WWOX: variants seen among roughly 807,000 people sequenced by gnomAD.
WWOX encodes the protein WW domain-containing oxidoreductase.
A neutral mutation model predicts 46.2 loss-of-function variants in WWOX; 69 were observed. The observed-to-expected ratio is 1.49, with a 90% CI of 1.23 to 1.82. WWOX has a LOEUF of 1.82. Among genes scored for constraint, WWOX ranks in the 40% most tolerant of loss-of-function variants. WWOX has a pLI of 0.00. For missense variants in WWOX, 919 were observed against 542.6 expected (o/e 1.69, Z -6.89); for synonymous variants, 359 against 202.6 (o/e 1.77, Z -6.56).
chr16:78,319,552 G>A (rs373679767), intron 5 of WWOX, among the ~76,000 whole-genome samples: 1 of 152,156 alleles, frequency 6.6e-6, no homozygotes, highest in South Asian at 2.1e-4. Context: ...CCCTGCTGAT[G>A]TCTTAATCTT....
In WWOX at chr16:78,109,849, A is replaced by C. The variant is rs1288427995; in HGVS notation, c.230+14A>C. On this transcript the variant is annotated intron_variant, in intron 3 of 8. Coordinates refer to ENST00000566780, the MANE Select transcript of WWOX (RefSeq NM_016373.4). ...GTTTTTTGTTGAGTAAGTGTCTGCAAAGAAACCACTCTCAGCTGTTTTGCT... is the reference window on the plus strand; with the variant it reads ...GTTTTTTGTTGAGTAAGTGTCTGCACAGAAACCACTCTCAGCTGTTTTGCT... 7 of 1,614,184 alleles carry C rather than the reference A, an allele frequency of 4.3e-6. 1 individual carries two copies. In the South Asian group the frequency reaches 7.7e-5, roughly 18 times the overall value.
intron 8 of WWOX, among the ~76,000 whole-genome samples, chr16:78,577,859 G>C (rs531840426): frequency 6.6e-6 from 1 of 152,094 alleles, no homozygotes; most frequent in South Asian, 2.1e-4. Context: ...TGTGCCGTTG[G>C]TAATTCAGTT....
chr16:78,836,521 C>T lies in WWOX; in HGVS notation c.1057-375087C>T, dbSNP rs142435619. Among the ~76,000 whole-genome samples, 7 of 152,272 alleles carry T rather than the reference C, an allele frequency of 4.6e-5. No homozygotes were observed. The East Asian group carries it at 1.4e-3, about 29-fold the overall frequency. On this transcript the variant is annotated intron_variant, in intron 8 of 8. Coordinates refer to ENST00000566780, the MANE Select transcript of WWOX (RefSeq NM_016373.4). Reference sequence around the variant, plus strand: ...TATTTTCAGACACTTCTGCCCCTTGCCATGTTTAGTAAGTCATCTATGTTG... The same window carrying T: ...TATTTTCAGACACTTCTGCCCCTTGTCATGTTTAGTAAGTCATCTATGTTG...
intron 8 of WWOX, among the ~76,000 whole-genome samples, chr16:79,154,172 C>G (rs966493958): frequency 2.0e-5 from 3 of 152,168 alleles, no homozygotes; most frequent in Admixed American, 2.0e-4. Context: ...CAACTTGGGT[C>G]ATGCCACTAC....
intron 8 of WWOX, among the ~76,000 whole-genome samples, chr16:78,727,874 C>G (rs999654999): frequency 2.0e-5 from 3 of 151,928 alleles, no homozygotes; most frequent in Non-Finnish European, 2.9e-5. Flanking sequence ...GGACTCTAAA[C>G]TCTTAGTAGT....
intron 8 of WWOX, among the ~76,000 whole-genome samples, chr16:79,139,102 G>T (rs1031895839): frequency 3.3e-5 from 5 of 152,154 alleles, no homozygotes; most frequent in South Asian, 4.2e-4. Flanking sequence ...CAGCTTCCCC[G>T]GCCCCATTCC....
chr16:78,970,386 G>A (rs998067984), intron 8 of WWOX, among the ~76,000 whole-genome samples: 4 of 152,154 alleles, frequency 2.6e-5, no homozygotes, highest in Admixed American at 2.6e-4. Flanking sequence ...ATAACCTCAT[G>A]CCCAGCATCG....
chr16:78,173,958 TGAGAGA>T (rs111730428), intron 5 of WWOX, among the ~76,000 whole-genome samples: 5 of 145,986 alleles, frequency 3.4e-5, no homozygotes, highest in Non-Finnish European at 6.0e-5. Flanking sequence ...TGAGAGGAAT[TGAGAGA>T]GAGAGAGAGA....
rs2303190 is a variant in WWOX at position 78,164,339 on chromosome 16, G to A, written c.516+50G>A. 0.16 allele frequency: 239,905 copies of A among 1,528,236 alleles called. 20,027 individuals are homozygous for A. Among genetic ancestry groups the A allele is most frequent in the East Asian group, 0.2 (8,740 of 44,062 alleles). The allele number at this position is 1,528,236 out of a possible 1,614,324, so 94.7% of individuals were successfully genotyped here. A position where few individuals can be genotyped will look rare whatever the true frequency, so the allele number is the denominator to read the frequency against. Reference sequence around the variant, plus strand: ...TTTTTAATTGTCAAATACACATGCCGGGCTAACCATATGGAGATTTCAGTG... The same window carrying A: ...TTTTTAATTGTCAAATACACATGCCAGGCTAACCATATGGAGATTTCAGTG... On this transcript the variant is annotated intron_variant, in intron 5 of 8. Transcript: ENST00000566780.
intron 8 of WWOX, among the ~76,000 whole-genome samples, chr16:78,973,206 A>G (rs1364471051): frequency 1.3e-5 from 2 of 152,184 alleles, no homozygotes; most frequent in African/African-American, 2.4e-5. Context: ...AAAGGCCCTT[A>G]TTACAAAACC....
chr16:78,265,037 G>A (rs910415883), intron 5 of WWOX, among the ~76,000 whole-genome samples: 22 of 113,232 alleles, frequency 1.9e-4, no homozygotes, highest in Admixed American at 5.2e-4. Context: ...ATCTCACTCC[G>A]TCGTCCAGGT....
chr16:78,939,497 T>C (rs1407031128), intron 8 of WWOX, among the ~76,000 whole-genome samples: 1 of 152,208 alleles, frequency 6.6e-6, no homozygotes, highest in African/African-American at 2.4e-5. Flanking sequence ...GGCCAAAAGT[T>C]TGTTTCAAGT....
At chr16:78,946,688 G>GA (rs2151297539) in intron 8 of WWOX, among the ~76,000 whole-genome samples, 1 of 152,242 alleles carries the variant, frequency 6.6e-6, no homozygotes, top group South Asian at 2.1e-4. Context: ...TGCAGGCCTG[G>GA]AAAACTGTGT....
At chr16:78,490,815 G>T (rs1013375895) in intron 8 of WWOX, among the ~76,000 whole-genome samples, 1 of 152,128 alleles carries the variant, frequency 6.6e-6, no homozygotes, top group Admixed American at 6.5e-5. Flanking sequence ...AGAGCAGTCC[G>T]TTACTTAGAC....
At chr16:79,154,452 C>G (rs562606022) in intron 8 of WWOX, among the ~76,000 whole-genome samples, 11 of 150,968 alleles carry the variant, frequency 7.3e-5, no homozygotes, top group African/African-American at 2.4e-4. Context: ...CTAAATCTAC[C>G]TCTCAAAGAT....
At chr16:78,208,661 C>T (rs1002188987) in intron 5 of WWOX, among the ~76,000 whole-genome samples, 7 of 152,108 alleles carry the variant, frequency 4.6e-5, no homozygotes, top group Admixed American at 1.3e-4. Flanking sequence ...TAACACACTC[C>T]ATTTACTGTG....
rs149626087 is a variant in WWOX at position 79,196,927 on chromosome 16, A to G, written c.1057-14681A>G. On this transcript the variant is annotated intron_variant, in intron 8 of 8. Transcript: ENST00000566780. ...TCGGTGTCACCCTGAGCATCTTTCA[A>G]TTCCTTGAACTTCAGTCTCCTCATC... 2.0e-4 allele frequency among the ~76,000 whole-genome samples: 30 copies of G among 152,216 alleles called. 1 individual carries two copies. In the East Asian group the frequency reaches 3.5e-3, roughly 18 times the overall value.
chr16:78,280,301 GAT>G (rs1567475852), intron 5 of WWOX, among the ~76,000 whole-genome samples: 1 of 152,192 alleles, frequency 6.6e-6, no homozygotes, highest in African/African-American at 2.4e-5. Flanking sequence ...TAGTTGTAAT[GAT>G]AGATATTATA....
intron 8 of WWOX, among the ~76,000 whole-genome samples, chr16:78,967,108 T>C (rs1014987903): frequency 5.9e-5 from 9 of 152,232 alleles, no homozygotes; most frequent in Non-Finnish European, 1.3e-4. Flanking sequence ...CATCTGTCCC[T>C]GGGTTATCTG....
Sources: allele counts gnomAD v4.1 joint callset (sites outside exome capture counted in the v4.1 genomes callset), GRCh38; gene constraint gnomAD v4.1.1; transcripts MANE v1.5; gene names NCBI Gene and HGNC (gene_info 2026-07-23, HGNC 2026-07-21).